The following FEZ2 variants were observed in gnomAD, a reference collection of about 807,000 sequenced individuals.
The protein encoded by FEZ2 is fasciculation and elongation protein zeta 2, also known as fasciculation and elongation protein zeta-2.
FEZ2 carries 51 observed loss-of-function variants against 40.4 expected under a neutral mutation model. That is an observed-to-expected ratio of 1.26 (90% CI 1.01 to 1.59). The LOEUF (loss-of-function observed/expected upper bound fraction) is 1.59, where lower values mean the gene tolerates loss of function less well. FEZ2 is among the 40% of genes most tolerant of loss of function. The pLI is 0.00. For synonymous variants in FEZ2, 242 were observed against 172.0 expected, an observed-to-expected ratio of 1.41 and a Z score of -3.18; for missense variants, 640 against 438.3, an observed-to-expected ratio of 1.46 and a Z score of -4.11.
At chr2:36,589,300 T>G (rs912969679) in intron 2 of FEZ2, among the ~76,000 whole-genome samples, 4 of 152,210 alleles carry the variant, frequency 2.6e-5, no homozygotes, top group Non-Finnish European at 2.9e-5. Flanking sequence ...CTAAACCCCG[T>G]GGCACAGATA....
intron 1 of FEZ2, among the ~76,000 whole-genome samples, chr2:36,597,336 G>A (rs1017594323): frequency 1.3e-5 from 2 of 152,098 alleles, no homozygotes; most frequent in African/African-American, 2.4e-5. Flanking sequence ...CAAGACACAC[G>A]CTTTTAAGTC....
intron 5 of FEZ2, 26 bp downstream of exon 5, chr2:36,578,571 G>C (rs763240847): frequency 8.1e-6 from 13 of 1,596,528 alleles, no homozygotes; most frequent in African/African-American, 1.4e-5. Context: ...TCCAGTGTTC[G>C]ACGCCTCCTG....
chr2:36,553,147 A>G lies in FEZ2; in HGVS notation c.*16T>C. 1 of 1,565,586 alleles carries G rather than the reference A, an allele frequency of 6.4e-7. No individual in the cohort carries two copies. The highest frequency in any genetic ancestry group is 8.7e-7 in the Non-Finnish European group (1 of 1,152,872). ...GGAAATCTAGCTTGGAGCCCACCGCAGATAAAGTTGCTGCTCTATGTAGGA... is the reference window on the plus strand; with the variant it reads ...GGAAATCTAGCTTGGAGCCCACCGCGGATAAAGTTGCTGCTCTATGTAGGA... On this transcript the variant is annotated 3_prime_UTR_variant, in exon 8 of 8. Transcript: ENST00000405912.
intron 2 of FEZ2, among the ~76,000 whole-genome samples, chr2:36,584,324 T>C (rs848616): frequency 0.44 from 67,650 of 152,064 alleles, 15,564 homozygotes; most frequent in African/African-American, 0.56. Context: ...TACCTCTTCA[T>C]GCCCAGGACT....
chr2:36,571,806 G>C (rs1193020278), intron 5 of FEZ2, among the ~76,000 whole-genome samples: 1 of 150,486 alleles, frequency 6.6e-6, no homozygotes, highest in Non-Finnish European at 1.5e-5. Flanking sequence ...AGGAGTTCAA[G>C]ACAAGCCTGG....
intron 5 of FEZ2, among the ~76,000 whole-genome samples, chr2:36,570,928 G>C (rs774684458): frequency 3.3e-5 from 5 of 152,128 alleles, no homozygotes; most frequent in African/African-American, 4.8e-5. Flanking sequence ...GCACATTACA[G>C]CTTTTATGTG....
At chr2:36,593,443 T>C (rs527660500) in intron 1 of FEZ2, among the ~76,000 whole-genome samples, 4 of 152,062 alleles carry the variant, frequency 2.6e-5, no homozygotes, top group Non-Finnish European at 4.4e-5. Flanking sequence ...CATCCAGGCA[T>C]TTCCATACAT....
At chr2:36,566,639 T>C (rs1668248822) in intron 5 of FEZ2, among the ~76,000 whole-genome samples, 1 of 152,246 alleles carries the variant, frequency 6.6e-6, no homozygotes, top group Non-Finnish European at 1.5e-5. Context: ...TCCAGATTTC[T>C]GTATGAAACC....
At chr2:36,564,954 T>C (rs753652945) in intron 5 of FEZ2, among the ~76,000 whole-genome samples, 3 of 152,164 alleles carry the variant, frequency 2.0e-5, no homozygotes, top group South Asian at 4.1e-4. Flanking sequence ...TTTCAGACCA[T>C]AGGTTGACGG....
rs1260454818 is a variant in FEZ2, at chr2:36,598,104, G to C, written c.39C>G (p.Phe13Leu). The change falls in exon 1 of 8, where the codon TTC (phenylalanine) becomes TTG (leucine). Residue 13 changes from phenylalanine (F) to leucine (L), a missense_variant. Transcript: ENST00000405912. ...ADGDWQDFYEFQEPARSLLDQ... is the reference protein window; with the variant it reads ...ADGDWQDFYELQEPARSLLDQ... ...CCAGGAGGCTCCGGGCCGGCTCCTG[G>C]AACTCATAGAAATCCTGCCAGTCCC... 61 of 1,492,990 alleles carry C rather than the reference G, an allele frequency of 4.1e-5. No homozygotes were observed. The highest frequency in any genetic ancestry group is 2.6e-4 in the African/African-American group (18 of 68,232). The allele number at this position is 1,492,990 out of a possible 1,614,324, so 92.5% of individuals were successfully genotyped here.
At chr2:36,554,399 CAT>C (rs1369099534) in intron 7 of FEZ2, 1 of 449,864 alleles carries the variant, frequency 2.2e-6, no homozygotes, top group Non-Finnish European at 4.6e-6. Flanking sequence ...CTCTGGCCCT[CAT>C]AGAGGCCTAG....
chr2:36,564,596 G>T (rs1386837723), intron 5 of FEZ2, among the ~76,000 whole-genome samples: 2 of 152,090 alleles, frequency 1.3e-5, no homozygotes, highest in Non-Finnish European at 2.9e-5. Context: ...CCAGCAAGGC[G>T]ATTAAAAACT....
At chr2:36,583,754 G>A (rs1668826152) in intron 2 of FEZ2, among the ~76,000 whole-genome samples, 1 of 152,140 alleles carries the variant, frequency 6.6e-6, no homozygotes. Context: ...CAAGTCATAG[G>A]GAATTACAGT....
At chr2:36,563,638 G>A (rs1240400406) in intron 5 of FEZ2, among the ~76,000 whole-genome samples, 1 of 151,892 alleles carries the variant, frequency 6.6e-6, no homozygotes, top group Non-Finnish European at 1.5e-5. Flanking sequence ...TCCCTCCACT[G>A]CATTTCCAAA....
chr2:36,592,947 T>C (rs990038654), intron 1 of FEZ2, among the ~76,000 whole-genome samples: 14 of 152,238 alleles, frequency 9.2e-5, no homozygotes, highest in African/African-American at 3.1e-4. Context: ...TCCTCTCTGT[T>C]GGAATATCTC....
At chr2:36,564,466 C>A (rs1238765842) in intron 5 of FEZ2, among the ~76,000 whole-genome samples, 1 of 152,120 alleles carries the variant, frequency 6.6e-6, no homozygotes, top group Non-Finnish European at 1.5e-5. Flanking sequence ...AGAGTGAACA[C>A]ATCAGCCAAG....
At chr2:36,595,713 A>C (rs1160771347) in intron 1 of FEZ2, among the ~76,000 whole-genome samples, 1 of 152,208 alleles carries the variant, frequency 6.6e-6, no homozygotes, top group African/African-American at 2.4e-5. Context: ...AGCAATGATG[A>C]GTATGTTTTT....
At chr2:36,560,371 TCAAA>T (rs1369807452) in intron 5 of FEZ2, among the ~76,000 whole-genome samples, 1 of 152,228 alleles carries the variant, frequency 6.6e-6, no homozygotes, top group African/African-American at 2.4e-5. Context: ...AACTCTAGTC[TCAAA>T]CATACCGACA....
chr2:36,573,829 T>C (rs1668488631), intron 5 of FEZ2, among the ~76,000 whole-genome samples: 1 of 152,240 alleles, frequency 6.6e-6, no homozygotes, highest in South Asian at 2.1e-4. Flanking sequence ...GTGCAGTGTA[T>C]ATTCAAAAGC....
Sources: allele counts gnomAD v4.1 joint callset (sites outside exome capture counted in the v4.1 genomes callset), GRCh38; gene constraint gnomAD v4.1.1; transcripts MANE v1.5; gene names NCBI Gene and HGNC (gene_info 2026-07-23, HGNC 2026-07-21).